Variants in TBCD observed in about 807,000 individuals in gnomAD.
The protein encoded by TBCD is tubulin folding cofactor D, also known as tubulin-specific chaperone D.
TBCD carries 105 observed loss-of-function variants against 169.3 expected under a neutral mutation model. The ratio of observed to expected loss-of-function variants is 0.62; its 90% CI spans 0.53 to 0.73. TBCD has a LOEUF of 0.73. Among genes scored for constraint, TBCD ranks in the 30% least tolerant of loss-of-function variants. TBCD has a pLI of 0.00. For synonymous variants in TBCD, 700 were observed against 643.9 expected, an observed-to-expected ratio of 1.09 and a Z score of -1.32; for missense variants, 1,444 against 1,600.1, an observed-to-expected ratio of 0.90 and a Z score of 1.66.
chr17:82,871,867 C>T (rs1380122908), intron 14 of TBCD, among the ~76,000 whole-genome samples: 1 of 152,178 alleles, frequency 6.6e-6, no homozygotes, highest in Non-Finnish European at 1.5e-5. Flanking sequence ...TCCTGGGTTC[C>T]CTCACGCACC....
chr17:82,859,496 C>G, intron 13 of TBCD: 1 of 960,502 alleles, frequency 1.0e-6, no homozygotes, highest in Non-Finnish European at 1.2e-6. Flanking sequence ...CACACACTGG[C>G]TTTCAGGGAG....
chr17:82,945,820 G>A lies in TBCD; in HGVS notation c.*3357G>A, dbSNP rs1267023013. On this transcript the variant is annotated 3_prime_UTR_variant, in exon 39 of 39. Transcript: ENST00000355528. ...CCCCTGGTTGAGAACCACTGCTTTA[G>A]TGGATAAACTTTAGGCAGGAGGGAA... 6.6e-6 allele frequency: 1 copy of A among 152,236 alleles called. No individual in the cohort carries two copies. Among genetic ancestry groups the A allele is most frequent in the Non-Finnish European group, 1.5e-5 (1 of 68,036 alleles). 9.4% of individuals were successfully genotyped at this position (152,236 alleles called of 1,614,324 possible).
At position 82,930,065 on chromosome 17, in the gene TBCD, C is replaced by T. The variant is rs1240607658; in HGVS notation, c.2992-457C>T. On this transcript the variant is annotated intron_variant, in intron 32 of 38. Transcript: ENST00000355528. This position sits in a 1 kb window ranked among gnomAD's most constrained non-coding sequence, Gnocchi z 5.2. ...GTAACAGGACGTGAGGTGCCCTCTG[C>T]GCCGTGTGGGCGCGTGCGGGGAGAC... 2 of 262,106 alleles carry T rather than the reference C, an allele frequency of 7.6e-6. No homozygotes were observed. The highest frequency in any genetic ancestry group is 1.5e-5 in the Non-Finnish European group (2 of 134,342). 16.2% of individuals were successfully genotyped at this position (262,106 alleles called of 1,614,324 possible).
intron 13 of TBCD, chr17:82,859,557 C>A: frequency 1.0e-6 from 1 of 985,460 alleles, no homozygotes; most frequent in Non-Finnish European, 1.2e-6. Context: ...GCTGTGACTT[C>A]AGGGCTACGG....
intron 16 of TBCD, among the ~76,000 whole-genome samples, chr17:82,891,804 C>G (rs971906946): frequency 6.6e-6 from 1 of 152,146 alleles, no homozygotes; most frequent in Non-Finnish European, 1.5e-5. Flanking sequence ...GCTTCTCTGT[C>G]CAGGTTCGTC....
intron 13 of TBCD, among the ~76,000 whole-genome samples, chr17:82,819,985 T>C (rs1351178195): frequency 6.6e-6 from 1 of 151,878 alleles, no homozygotes; most frequent in African/African-American, 2.4e-5. Context: ...TTTTTTTTTT[T>C]TTTCTTTTTT....
intron 12 of TBCD, among the ~76,000 whole-genome samples, chr17:82,812,837 G>A (rs974716075): frequency 2.6e-5 from 4 of 152,190 alleles, no homozygotes; most frequent in African/African-American, 9.7e-5. Context: ...ACCGCGCCCG[G>A]CTGTTTTGTT....
At chr17:82,841,045 C>T (rs1489560055) in intron 13 of TBCD, among the ~76,000 whole-genome samples, 11 of 132,748 alleles carry the variant, frequency 8.3e-5, no homozygotes, top group Admixed American at 2.7e-4. Context: ...TGGCTCACTG[C>T]GTTTCTCCTG....
At chr17:82,867,805 T>C (rs2057283631) in intron 13 of TBCD, among the ~76,000 whole-genome samples, 1 of 152,246 alleles carries the variant, frequency 6.6e-6, no homozygotes, top group African/African-American at 2.4e-5. Context: ...AGAGATACTC[T>C]TGCAAATCAT....
chr17:82,769,863 C>T (rs899796315), intron 5 of TBCD, among the ~76,000 whole-genome samples: 8 of 132,396 alleles, frequency 6.0e-5, no homozygotes, highest in African/African-American at 9.1e-5. Context: ...GGTGACAGAG[C>T]GAGAGTCCAT....
At chr17:82,926,987 G>A (rs1160832275) in intron 28 of TBCD, 199 bp from the exon 29 acceptor site, 2 of 720,946 alleles carry the variant, frequency 2.8e-6, no homozygotes, top group African/African-American at 3.6e-5. Flanking sequence ...CAACCGGAGA[G>A]ACGGCAGAGC....
At chr17:82,919,204 C>T (rs543269073) in intron 23 of TBCD, among the ~76,000 whole-genome samples, 17 of 152,298 alleles carry the variant, frequency 1.1e-4, no homozygotes, top group African/African-American at 4.1e-4. Context: ...CCCTGAATGT[C>T]AGGTCCCAGC....
intron 13 of TBCD, among the ~76,000 whole-genome samples, chr17:82,825,711 C>T (rs2145135875): frequency 6.6e-6 from 1 of 152,318 alleles, no homozygotes; most frequent in African/African-American, 2.4e-5. Context: ...AACTATTTGC[C>T]ATCCTGAGTA....
intron 20 of TBCD, 86 bp from the exon 21 acceptor site, chr17:82,907,675 G>A: frequency 6.8e-7 from 1 of 1,463,608 alleles, no homozygotes; most frequent in Middle Eastern, 1.7e-4. Flanking sequence ...TAGGGTCTTG[G>A]GGAGTGTGGC....
At chr17:82,907,945 C>T in intron 21 of TBCD, 124 bp downstream of exon 21, 3 of 1,001,272 alleles carry the variant, frequency 3.0e-6, no homozygotes, top group Non-Finnish European at 4.4e-6. Context: ...CAGTCCTGGG[C>T]TCAGTGGGGG....
intron 23 of TBCD, among the ~76,000 whole-genome samples, chr17:82,919,578 G>A (rs375537507): frequency 5.9e-5 from 9 of 152,104 alleles, no homozygotes; most frequent in South Asian, 2.1e-4. Flanking sequence ...GCAGACTCAC[G>A]TGGCCGTGGA....
intron 14 of TBCD, among the ~76,000 whole-genome samples, chr17:82,878,732 T>C (rs1298998417): frequency 6.6e-6 from 1 of 152,222 alleles, no homozygotes; most frequent in African/African-American, 2.4e-5. Context: ...CTGCTGTTTC[T>C]CCTTTGGTTT....
At position 82,911,294 on chromosome 17, in the gene TBCD, C is replaced by T. The variant is rs111963985; in HGVS notation, c.2007-464C>T. On this transcript the variant is annotated intron_variant, in intron 22 of 38. Coordinates refer to ENST00000355528, the MANE Select transcript of TBCD (RefSeq NM_005993.5). The stretch of plus-strand genomic sequence containing the variant: ...TGCCCTCCCCAGGGCAGCGCGCCTG[C>T]CCTTGTGCACCAGGGTCCCGCTGTC... 5.9e-3 allele frequency among the ~76,000 whole-genome samples: 895 copies of T among 152,062 alleles called. 15 individuals carry two copies. The highest frequency in any genetic ancestry group is 0.02 in the African/African-American group (831 of 41,310).
Position 82,942,605 on chromosome 17 carries a change from C to A in TBCD, c.*142C>A. ...GCCCTTGGAGGCTGGCACTAGCTGA[C>A]AGCTTTTCCTCTCTGCACCTGCGCT... is the stretch of plus-strand genomic sequence containing the variant. On this transcript the variant is annotated 3_prime_UTR_variant, in exon 39 of 39. Coordinates refer to ENST00000355528, the MANE Select transcript of TBCD (RefSeq NM_005993.5). 8.9e-7 allele frequency: 1 copy of A among 1,123,954 alleles called. No individual in the cohort carries two copies. Among genetic ancestry groups the A allele is most frequent in the Non-Finnish European group, 1.3e-6 (1 of 761,428 alleles). The allele number at this position is 1,123,954 out of a possible 1,614,324, so 69.6% of individuals were successfully genotyped here.
Sources: gnomAD v4.1 joint callset for allele counts (sites outside exome capture counted in the v4.1 genomes callset) on GRCh38, gnomAD v4.1.1 for gene constraint, Gnocchi (gnomAD v3.1) non-coding constraint, MANE v1.5 for transcripts, NCBI Gene and HGNC (gene_info 2026-07-23, HGNC 2026-07-21) for gene names.